The following POU6F2 variants were observed in gnomAD, a reference collection of about 807,000 sequenced individuals.
POU6F2 encodes POU class 6 homeobox 2.
In POU6F2, 31 loss-of-function variants were observed where a neutral mutation model predicts 71.3. That is an observed-to-expected ratio of 0.43 (90% CI 0.33 to 0.59). The LOEUF is 0.59. POU6F2 is among the 20% of genes least tolerant of loss of function. POU6F2 has a pLI of 0.04. For synonymous variants in POU6F2, 347 were observed against 355.7 expected (o/e 0.98, Z 0.27); for missense variants, 783 against 856.8 (o/e 0.91, Z 1.07).
intron 5 of POU6F2, among the ~76,000 whole-genome samples, chr7:39,354,724 G>A (rs1003735414): frequency 6.6e-6 from 1 of 152,208 alleles, no homozygotes; most frequent in Admixed American, 6.5e-5. Context: ...ACCCAGTCTA[G>A]CCATTTCATT....
intron 5 of POU6F2, among the ~76,000 whole-genome samples, chr7:39,344,968 C>T (rs1466481970): frequency 1.3e-5 from 2 of 152,174 alleles, no homozygotes; most frequent in Non-Finnish European, 2.9e-5. Context: ...CTTGGAAGCA[C>T]TCATCTCAGA....
chr7:39,336,607 C>T (rs1366699931), intron 4 of POU6F2, among the ~76,000 whole-genome samples: 1 of 152,154 alleles, frequency 6.6e-6, no homozygotes, highest in Non-Finnish European at 1.5e-5. Flanking sequence ...TCCTCCTCAG[C>T]GTGGGTTTTC....
chr7:39,322,972 C>G (rs1785426624), intron 4 of POU6F2, among the ~76,000 whole-genome samples: 1 of 152,130 alleles, frequency 6.6e-6, no homozygotes, highest in Non-Finnish European at 1.5e-5. Flanking sequence ...AAAGCAAGCA[C>G]ATGATACATG....
intron 2 of POU6F2, among the ~76,000 whole-genome samples, chr7:39,196,201 G>A (rs1793784227): frequency 6.6e-6 from 1 of 152,192 alleles, no homozygotes; most frequent in Admixed American, 6.5e-5. Context: ...TACAAAGGTA[G>A]ATCTACAGCT....
In POU6F2 at chr7:39,339,635, C is replaced by T. The variant is rs1341226458; in HGVS notation, c.599-7C>T. On this transcript the variant is annotated splice_region_variant and splice_polypyrimidine_tract_variant and intron_variant, in intron 4 of 9. Coordinates refer to ENST00000518318, the MANE Select transcript of POU6F2 (RefSeq NM_001370959.1). ...TCTCACTCCACATTCGCTTTCTCTC[C>T]TTGTAGCTACCTCATCCCTGAACTC... is the stretch of plus-strand genomic sequence containing the variant. 2 of 1,578,602 alleles carry T rather than the reference C, an allele frequency of 1.3e-6. No individual in the cohort carries two copies. The highest frequency in any genetic ancestry group is 2.2e-5 in the East Asian group (1 of 44,806).
At chr7:39,463,634 G>A (rs549687197) in intron 9 of POU6F2, among the ~76,000 whole-genome samples, 301 of 152,192 alleles carry the variant, frequency 2.0e-3, no homozygotes, top group African/African-American at 7.1e-3. Context: ...ACAAAAGAGA[G>A]ATAAAAAGAG....
At chr7:39,279,462 G>C (rs7805282) in intron 4 of POU6F2, among the ~76,000 whole-genome samples, 41,578 of 152,154 alleles carry the variant, frequency 0.27, 6,432 homozygotes, top group African/African-American at 0.41. Context: ...ATAATACATT[G>C]TTTTCCTAGG....
chr7:38,980,779 CA>C (rs1413347427), intron 1 of POU6F2, among the ~76,000 whole-genome samples: 5 of 151,956 alleles, frequency 3.3e-5, no homozygotes, highest in African/African-American at 1.2e-4. Flanking sequence ...AGTTTTCAGT[CA>C]GAATATTGAA....
chr7:39,454,475 T>TC (rs1034965673), intron 8 of POU6F2, among the ~76,000 whole-genome samples: 1 of 151,376 alleles, frequency 6.6e-6, no homozygotes, highest in Admixed American at 6.6e-5. Flanking sequence ...AAGAGTCACC[T>TC]CATTAGAACA....
intron 7 of POU6F2, among the ~76,000 whole-genome samples, chr7:39,439,434 A>T (rs1788336703): frequency 6.6e-6 from 1 of 152,118 alleles, no homozygotes; most frequent in African/African-American, 2.4e-5. Flanking sequence ...ACACTAGTTG[A>T]TGCAGTTTCT....
intron 2 of POU6F2, among the ~76,000 whole-genome samples, chr7:39,140,908 G>A (rs1326272682): frequency 1.3e-5 from 2 of 152,192 alleles, no homozygotes; most frequent in Admixed American, 6.5e-5. Flanking sequence ...AGGGTCAGGA[G>A]CAGAGGCAGG....
In POU6F2 at chr7:39,460,303, C is replaced by T. The variant is rs1788914615; in HGVS notation, c.1490-244C>T. On this transcript the variant is annotated intron_variant, in intron 8 of 9. Coordinates refer to ENST00000518318, the MANE Select transcript of POU6F2 (RefSeq NM_001370959.1). The surrounding 1 kb of genome is among the most constrained non-coding windows in gnomAD (Gnocchi z 4.4). ...ACATGCTCTGGCATTGGGGAAGTGG[C>T]AGTGTGAACAAGCTGTGGTTTTATC... Among the ~76,000 whole-genome samples, 1 of 152,110 alleles carries T rather than the reference C, an allele frequency of 6.6e-6. No individual in the cohort carries two copies. The highest frequency in any genetic ancestry group is 1.5e-5 in the Non-Finnish European group (1 of 68,030).
At chr7:39,300,463 C>T (rs1415848195) in intron 4 of POU6F2, among the ~76,000 whole-genome samples, 3 of 152,160 alleles carry the variant, frequency 2.0e-5, no homozygotes, top group Middle Eastern at 3.4e-3. Context: ...AGCTGGCCAA[C>T]AGCCACCCTC....
intron 1 of POU6F2, among the ~76,000 whole-genome samples, chr7:39,075,843 C>T (rs925276541): frequency 2.0e-5 from 3 of 152,224 alleles, no homozygotes; most frequent in Non-Finnish European, 4.4e-5. Flanking sequence ...GACTAATCCC[C>T]GGACTAGCTT....
chr7:39,050,898 A>G (rs1584517659), intron 1 of POU6F2, among the ~76,000 whole-genome samples: 1 of 152,130 alleles, frequency 6.6e-6, no homozygotes. Flanking sequence ...TGTTTGGTCA[A>G]TTTCCAGGAC....
At chr7:39,089,378 G>C (rs553103929) in intron 2 of POU6F2, among the ~76,000 whole-genome samples, 81 of 152,170 alleles carry the variant, frequency 5.3e-4, no homozygotes, top group Non-Finnish European at 1.1e-3. Context: ...CATGTGGTTG[G>C]GGGTGGGGGA....
chr7:39,433,231 C>T lies in POU6F2; in HGVS notation c.1268C>T (p.Pro423Leu). The T allele has an allele frequency of 6.2e-7, 1 of 1,613,862 alleles. No individual in the cohort carries two copies. Among genetic ancestry groups the T allele is most frequent in the Non-Finnish European group, 8.5e-7 (1 of 1,179,880 alleles). The stretch of plus-strand genomic sequence containing the variant: ...ACAGTCATTGGGAACCAGATCCTGC[C>T]CGTGATCAACACCCAGGGCATCACG... ...IATVIGNQIL[P>L]VINTQGITLS... Residue 423 changes from proline (P) to leucine (L), a missense_variant, in exon 7 of 10, where the codon CCC (proline) becomes CTC (leucine). Physicochemically the swap from Pro to Leu is moderately conservative, Grantham distance 98 (BLOSUM62 -3). Transcript: ENST00000518318.
chr7:39,391,101 T>C (rs899484440), intron 5 of POU6F2, among the ~76,000 whole-genome samples: 2 of 152,226 alleles, frequency 1.3e-5, no homozygotes, highest in African/African-American at 4.8e-5. Context: ...AATACATTAT[T>C]CTTAAAACAT....
chr7:39,015,675 ATC>A, intron 1 of POU6F2, among the ~76,000 whole-genome samples: 1 of 112,816 alleles, frequency 8.9e-6, no homozygotes, highest in Non-Finnish European at 1.6e-5. Context: ...GATATATTAT[ATC>A]TATGTTATAT....
Sources: gnomAD v4.1 joint callset for allele counts (sites outside exome capture counted in the v4.1 genomes callset) on GRCh38, gnomAD v4.1.1 for gene constraint, Gnocchi (gnomAD v3.1) non-coding constraint, MANE v1.5 for transcripts, NCBI Gene and HGNC (gene_info 2026-07-23, HGNC 2026-07-21) for gene names.